The following CNTNAP5 variants were observed in gnomAD, a reference collection of about 807,000 sequenced individuals.
The protein encoded by CNTNAP5 is contactin-associated protein-like 5.
A neutral mutation model predicts 150.2 loss-of-function variants in CNTNAP5; 72 were observed. The ratio of observed to expected loss-of-function variants is 0.48; its 90% CI spans 0.40 to 0.58. The LOEUF (loss-of-function observed/expected upper bound fraction) is 0.58. CNTNAP5 is among the 20% of genes least tolerant of loss of function. The pLI is 0.00. For synonymous variants in CNTNAP5, 672 were observed against 619.8 expected (o/e 1.08, Z -1.25); for missense variants, 1,636 against 1,626.2 (o/e 1.01, Z -0.10).
At chr2:124,033,724 A>G (rs1440986754) in intron 1 of CNTNAP5, among the ~76,000 whole-genome samples, 3 of 152,180 alleles carry the variant, frequency 2.0e-5, no homozygotes, top group African/African-American at 4.8e-5. Flanking sequence ...CTTGATTGCA[A>G]TGCTCCATCC....
At position 124,914,265 on chromosome 2, in the gene CNTNAP5, T is replaced by G; in HGVS notation, c.3901T>G (p.Cys1301Gly). 1 of 1,611,830 alleles carries G rather than the reference T, an allele frequency of 6.2e-7. No homozygotes were observed. The highest frequency in any genetic ancestry group is 1.7e-5 in the Admixed American group (1 of 59,820). Residue 1301 changes from cysteine (C) to glycine (G), a missense_variant, in exon 24 of 24, where the codon TGT (cysteine) becomes GGT (glycine). By Grantham distance (159) the Cys-to-Gly change is radical. Coordinates refer to ENST00000682447, the MANE Select transcript of CNTNAP5 (RefSeq NM_001367498.1). Reference protein sequence around the residue: ...EIDLQNTVSECKREYFI With the variant: ...EIDLQNTVSEGKREYFI Reference sequence around the variant, plus strand: ...TGACTTGCAAAACACAGTGAGCGAGTGTAAACGGGAATATTTCATCTGAGA... The same window carrying G: ...TGACTTGCAAAACACAGTGAGCGAGGGTAAACGGGAATATTTCATCTGAGA...
chr2:124,504,952 C>T (rs982931222), intron 8 of CNTNAP5, among the ~76,000 whole-genome samples: 12 of 152,004 alleles, frequency 7.9e-5, no homozygotes, highest in African/African-American at 1.7e-4. Flanking sequence ...GTGATCTGCC[C>T]GCCTTGGGCT....
chr2:124,620,326 G>T (rs1269721907), intron 12 of CNTNAP5, among the ~76,000 whole-genome samples: 1 of 151,974 alleles, frequency 6.6e-6, no homozygotes, highest in Non-Finnish European at 1.5e-5. Flanking sequence ...TGGGATGTTG[G>T]AAACAGCCTC....
intron 6 of CNTNAP5, among the ~76,000 whole-genome samples, chr2:124,454,952 A>C (rs1693083887): frequency 6.6e-6 from 1 of 152,144 alleles, no homozygotes; most frequent in African/African-American, 2.4e-5. Context: ...CTCAAAGAGC[A>C]CAAGCAGACA....
intron 14 of CNTNAP5, among the ~76,000 whole-genome samples, chr2:124,756,979 T>C (rs1347869500): frequency 6.6e-6 from 1 of 152,144 alleles, no homozygotes; most frequent in Non-Finnish European, 1.5e-5. Context: ...AAAGTATAAA[T>C]GCATGTATGC....
intron 14 of CNTNAP5, among the ~76,000 whole-genome samples, chr2:124,749,249 C>T (rs1403867902): frequency 6.6e-6 from 1 of 152,040 alleles, no homozygotes; most frequent in East Asian, 1.9e-4. Flanking sequence ...ATATTAGACA[C>T]TATGTGTATA....
chr2:124,587,157 T>C (rs968130532), intron 11 of CNTNAP5, among the ~76,000 whole-genome samples: 1 of 152,212 alleles, frequency 6.6e-6, no homozygotes, highest in African/African-American at 2.4e-5. Context: ...ATGCTAACTA[T>C]TGTTATCAGA....
intron 7 of CNTNAP5, among the ~76,000 whole-genome samples, chr2:124,496,139 G>T (rs1694138256): frequency 6.6e-6 from 1 of 151,830 alleles, no homozygotes; most frequent in Non-Finnish European, 1.5e-5. Context: ...GCTAAATAGA[G>T]AACTGCTAAA....
At chr2:124,206,508 A>G (rs1685866049) in intron 1 of CNTNAP5, among the ~76,000 whole-genome samples, 1 of 152,278 alleles carries the variant, frequency 6.6e-6, no homozygotes, top group East Asian at 1.9e-4. Flanking sequence ...ATGTTTGCCA[A>G]GCTCTCTTTG....
At chr2:124,772,069 A>T (rs753697760) in intron 16 of CNTNAP5, among the ~76,000 whole-genome samples, 75 of 151,106 alleles carry the variant, frequency 5.0e-4, no homozygotes, top group Non-Finnish European at 9.3e-4. Flanking sequence ...CATTAACATT[A>T]TGCCCACCAC....
intron 1 of CNTNAP5, among the ~76,000 whole-genome samples, chr2:124,045,309 T>TTA (rs1553432252): frequency 6.6e-6 from 1 of 150,522 alleles, no homozygotes; most frequent in African/African-American, 2.4e-5. Flanking sequence ...TTTTTTTTTT[T>TTA]AAATTTTGAG....
intron 6 of CNTNAP5, among the ~76,000 whole-genome samples, chr2:124,472,227 C>G (rs1485275351): frequency 6.6e-6 from 1 of 152,020 alleles, no homozygotes; most frequent in African/African-American, 2.4e-5. Context: ...ACAAAATACT[C>G]TCTTGTCTGT....
chr2:124,264,379 C>T (rs1573876574), intron 3 of CNTNAP5, among the ~76,000 whole-genome samples: 1 of 104,814 alleles, frequency 9.5e-6, no homozygotes, highest in African/African-American at 3.2e-5. Flanking sequence ...CACAGGCACA[C>T]ACACACACAT....
At position 124,713,324 on chromosome 2, in the gene CNTNAP5, T is replaced by C. The variant is rs1409561369; in HGVS notation, c.2078-33905T>C. On this transcript the variant is annotated intron_variant, in intron 13 of 23. Transcript: ENST00000682447. Reference sequence around the variant, plus strand: ...TTCTTCTTTCTCTTTCTTTCCTTTCTTTCTTTCTTTCTTTCTTTCTTTCTT... The same window carrying C: ...TTCTTCTTTCTCTTTCTTTCCTTTCCTTCTTTCTTTCTTTCTTTCTTTCTT... Among the ~76,000 whole-genome samples, 3 of 70,758 alleles carry C rather than the reference T, an allele frequency of 4.2e-5. 1 individual carries two copies. Among genetic ancestry groups the C allele is most frequent in the Non-Finnish European group, 8.4e-5 (3 of 35,580 alleles). The allele number at this position is 70,758 out of a possible 152,430, so 46.4% of individuals were successfully genotyped here. A position where few individuals can be genotyped will look rare whatever the true frequency, so the allele number is the denominator to read the frequency against.
intron 3 of CNTNAP5, among the ~76,000 whole-genome samples, chr2:124,357,682 C>T (rs1297646150): frequency 7.1e-6 from 1 of 141,224 alleles, no homozygotes; most frequent in Non-Finnish European, 1.5e-5. Flanking sequence ...GTTTTGGTAC[C>T]AGTACCATGC....
intron 6 of CNTNAP5, among the ~76,000 whole-genome samples, chr2:124,459,607 C>T (rs1693201212): frequency 6.6e-6 from 1 of 151,786 alleles, no homozygotes; most frequent in South Asian, 2.1e-4. Flanking sequence ...CAAAAATTAA[C>T]TGGGCATGGT....
intron 13 of CNTNAP5, among the ~76,000 whole-genome samples, chr2:124,742,076 G>A (rs1268293582): frequency 1.3e-5 from 2 of 151,930 alleles, no homozygotes; most frequent in Admixed American, 1.3e-4. Context: ...AAACAGTGAA[G>A]ATATTTGGAC....
chr2:124,768,271 A>ATGTGTG (rs10598326), intron 16 of CNTNAP5, among the ~76,000 whole-genome samples: 21 of 131,304 alleles, frequency 1.6e-4, no homozygotes, highest in Admixed American at 2.3e-4. Context: ...TACTGTATGT[A>ATGTGTG]TGTGTGTGTG....
intron 5 of CNTNAP5, among the ~76,000 whole-genome samples, chr2:124,445,809 T>C (rs1204713258): frequency 6.6e-6 from 1 of 152,202 alleles, no homozygotes; most frequent in African/African-American, 2.4e-5. Context: ...TTACAAAAAT[T>C]GAAAATGTAT....
Sources: allele counts gnomAD v4.1 joint callset (sites outside exome capture counted in the v4.1 genomes callset), GRCh38; gene constraint gnomAD v4.1.1; transcripts MANE v1.5; gene names NCBI Gene and HGNC (gene_info 2026-07-23, HGNC 2026-07-21).